Variants in GOLGA4 observed in about 807,000 individuals in gnomAD.
The protein encoded by GOLGA4 is golgin A4.
In GOLGA4, 169 loss-of-function variants were observed where a neutral mutation model predicts 265.9. The ratio of observed to expected loss-of-function variants is 0.64; its 90% CI spans 0.56 to 0.72. The LOEUF (loss-of-function observed/expected upper bound fraction) is 0.72. Ranked by LOEUF, GOLGA4 falls within the 30% of genes least tolerant of loss-of-function variation. GOLGA4 has a pLI of 0.00. For missense variants in GOLGA4, 2,482 were observed against 2,483.4 expected, an observed-to-expected ratio of 1.00 and a Z score of 0.01; for synonymous variants, 923 against 855.8, an observed-to-expected ratio of 1.08 and a Z score of -1.37.
intron 13 of GOLGA4, among the ~76,000 whole-genome samples, chr3:37,323,174 T>G (rs1232611411): frequency 8.2e-5 from 12 of 145,872 alleles, no homozygotes; most frequent in African/African-American, 3.0e-4. Context: ...TTGCCCAGGC[T>G]GGAGTGTAGT....
At chr3:37,283,026 A>G (rs908543184) in intron 3 of GOLGA4, among the ~76,000 whole-genome samples, 1 of 152,128 alleles carries the variant, frequency 6.6e-6, no homozygotes, top group African/African-American at 2.4e-5. Context: ...GTAATGTTTT[A>G]TTGTCTTATG....
At chr3:37,317,274 A>G (rs544810319) in intron 11 of GOLGA4, among the ~76,000 whole-genome samples, 12 of 152,126 alleles carry the variant, frequency 7.9e-5, no homozygotes, top group African/African-American at 2.7e-4. Context: ...CGTTCAAGCA[A>G]TTCTCCTGCC....
In GOLGA4 at chr3:37,328,459, A is replaced by G. The variant is rs767635851; in HGVS notation, c.5983A>G (p.Lys1995Glu). Residue 1995 changes from lysine (K) to glutamate (E), a missense_variant, in exon 15 of 24, where the codon AAA becomes GAA. Physicochemically the swap from Lys to Glu is moderately conservative, Grantham distance 56. Around this residue, in one of 3 missense-constraint regions of GOLGA4, gnomAD observed 942 missense variants for 983.1 expected, o/e 0.96. Coordinates refer to ENST00000361924, the MANE Select transcript of GOLGA4 (RefSeq NM_002078.5). ...TGAACTGAAGCACAATTCCACATTA[A>G]AACAGCTGATGAGGGAGTTTAATAC... ...DLELKHNSTL[K>E]QLMREFNTQL... is the part of the protein sequence containing the mutation. 2 of 1,613,032 alleles carry G rather than the reference A, an allele frequency of 1.2e-6. No individual in the cohort carries two copies. The highest frequency in any genetic ancestry group is 2.2e-5 in the South Asian group (2 of 91,046).
intron 20 of GOLGA4, among the ~76,000 whole-genome samples, chr3:37,342,035 T>C (rs1273803224): frequency 6.6e-6 from 1 of 152,134 alleles, no homozygotes; most frequent in Non-Finnish European, 1.5e-5. Flanking sequence ...CTCTTCGTCA[T>C]GCTGCCTCTT....
chr3:37,246,994 C>T (rs534393088), intron 1 of GOLGA4, among the ~76,000 whole-genome samples: 1 of 152,056 alleles, frequency 6.6e-6, no homozygotes, highest in Non-Finnish European at 1.5e-5. Flanking sequence ...AGGGACATAG[C>T]CTTATTGTAA....
At chr3:37,263,725 C>G (rs1484887085) in intron 2 of GOLGA4, among the ~76,000 whole-genome samples, 1 of 152,066 alleles carries the variant, frequency 6.6e-6, no homozygotes, top group Non-Finnish European at 1.5e-5. Flanking sequence ...GAGTATGAGA[C>G]ATAGATTGAA....
At chr3:37,247,457 A>G (rs2096722609) in intron 1 of GOLGA4, among the ~76,000 whole-genome samples, 1 of 152,226 alleles carries the variant, frequency 6.6e-6, no homozygotes, top group Admixed American at 6.5e-5. Flanking sequence ...AAAATAAGGC[A>G]TTTCTGGAGA....
At chr3:37,340,357 T>A (rs1198803584) in intron 20 of GOLGA4, among the ~76,000 whole-genome samples, 158 bp downstream of exon 20, 3 of 152,244 alleles carry the variant, frequency 2.0e-5, no homozygotes, top group Non-Finnish European at 2.9e-5. Context: ...ATATGTATAG[T>A]GTGCAACATG....
At chr3:37,296,298 C>A in intron 7 of GOLGA4, 79 bp downstream of exon 7, 1 of 1,388,772 alleles carries the variant, frequency 7.2e-7, no homozygotes, top group Non-Finnish European at 1.0e-6. Flanking sequence ...TTAATCCCAA[C>A]ACTTTGGGAG....
At chr3:37,307,936 G>A (rs544251109) in intron 10 of GOLGA4, among the ~76,000 whole-genome samples, 25 of 152,234 alleles carry the variant, frequency 1.6e-4, no homozygotes, top group African/African-American at 5.8e-4. Context: ...TATGTAAAGT[G>A]TACATGAAAA....
intron 11 of GOLGA4, among the ~76,000 whole-genome samples, chr3:37,316,815 CCT>C (rs2096938911): frequency 6.6e-6 from 1 of 150,400 alleles, no homozygotes; most frequent in South Asian, 2.1e-4. Context: ...TTTTTCTTTT[CCT>C]TATAGATGGA....
chr3:37,328,586 T>G, intron 15 of GOLGA4, 49 bp downstream of exon 15: 1 of 1,518,008 alleles, frequency 6.6e-7, no homozygotes, highest in Non-Finnish European at 9.0e-7. Flanking sequence ...GCAGAGGCTA[T>G]AATTTAAGCT....
At chr3:37,244,422 T>G (rs913198640) in intron 1 of GOLGA4, among the ~76,000 whole-genome samples, 3 of 152,202 alleles carry the variant, frequency 2.0e-5, no homozygotes, top group African/African-American at 7.2e-5. Context: ...GGAGGCGTGT[T>G]AAGTAGTATT....
intron 10 of GOLGA4, among the ~76,000 whole-genome samples, chr3:37,308,743 G>A (rs1460502696): frequency 6.6e-6 from 1 of 151,772 alleles, no homozygotes; most frequent in African/African-American, 2.4e-5. Flanking sequence ...AGCCTGCCAA[G>A]TAGCTGGGAC....
chr3:37,314,037 A>G (rs1426422969), intron 10 of GOLGA4, among the ~76,000 whole-genome samples: 1 of 151,304 alleles, frequency 6.6e-6, no homozygotes, highest in Non-Finnish European at 1.5e-5. Flanking sequence ...CCATCTTAAG[A>G]AGCTTGCTGC....
intron 20 of GOLGA4, among the ~76,000 whole-genome samples, chr3:37,340,630 CT>C (rs1400918495): frequency 2.6e-5 from 4 of 152,172 alleles, no homozygotes; most frequent in African/African-American, 9.7e-5. Context: ...CCCACAGTCC[CT>C]TATAACCACC....
chr3:37,243,982 C>T, intron 1 of GOLGA4: 1 of 236,426 alleles, frequency 4.2e-6, no homozygotes, highest in Non-Finnish European at 8.3e-6. Flanking sequence ...GGAATGAGGG[C>T]GGGGTGGAAA....
intron 23 of GOLGA4, among the ~76,000 whole-genome samples, chr3:37,362,956 G>A (rs1391283710): frequency 2.0e-5 from 3 of 150,886 alleles, no homozygotes; most frequent in Non-Finnish European, 4.4e-5. Context: ...CTAATTTTTT[G>A]TATTTTTAGT....
intron 23 of GOLGA4, among the ~76,000 whole-genome samples, chr3:37,362,430 C>T (rs1445409258): frequency 3.5e-4 from 53 of 151,120 alleles, no homozygotes; most frequent in Non-Finnish European, 1.0e-4. Flanking sequence ...TTAGTAGAGA[C>T]GGGGTTTCAC....
Sources: gnomAD v4.1 joint callset for allele counts (sites outside exome capture counted in the v4.1 genomes callset) on GRCh38, gnomAD v4.1.1 for gene constraint, gnomAD v4.1.1 regional missense constraint, MANE v1.5 for transcripts, NCBI Gene and HGNC (gene_info 2026-07-23, HGNC 2026-07-21) for gene names.